Variants in IZUMO4 observed in about 807,000 individuals in gnomAD.
IZUMO4 encodes the protein izumo sperm-egg fusion protein 4.
In IZUMO4, 51 loss-of-function variants were observed where a neutral mutation model predicts 37.1. That is an observed-to-expected ratio of 1.38 (90% CI 1.10 to 1.74). IZUMO4 has a LOEUF of 1.74. IZUMO4 is among the 40% of genes most tolerant of loss of function. IZUMO4 has a pLI of 0.00. For synonymous variants in IZUMO4, 162 were observed against 121.4 expected (o/e 1.33, Z -2.20); for missense variants, 364 against 299.6 (o/e 1.21, Z -1.59).
In IZUMO4 at chr19:2,097,299, G is replaced by C; in HGVS notation, c.265G>C (p.Asp89His). 1 of 1,612,854 alleles carries C rather than the reference G, an allele frequency of 6.2e-7. No individual in the cohort carries two copies. The highest frequency in any genetic ancestry group is 8.5e-7 in the Non-Finnish European group (1 of 1,179,936). ...GGCGACAGCAGTGTACCAGATGATG[G>C]ATCAGCTGTACCAGGGGAAGATGTA... ...QVATAVYQMM[D>H]QLYQGKMYFP... Residue 89 changes from aspartate to histidine, a missense_variant, in exon 2 of 10, where the codon GAT (aspartate) becomes CAT (histidine). Asp to His is a moderately conservative substitution (Grantham distance 81, BLOSUM62 -1). Transcript: ENST00000395301.
chr19:2,097,950 G>T lies in IZUMO4; in HGVS notation c.392G>T (p.Arg131Leu). 1 of 1,613,174 alleles carries T rather than the reference G, an allele frequency of 6.2e-7. No homozygotes were observed. The highest frequency in any genetic ancestry group is 1.3e-5 in the African/African-American group (1 of 75,060). ...IIESRIDCQH[R>L]CGIFQYETIS... ...ACAGGCCGCATCGACTGTCAGCACC[G>T]CTGTGGTAAGCAAGGCTCCGTCCAG... The change falls in exon 4 of 10, where the codon CGC becomes CTC. Residue 131 changes from arginine to leucine, a missense_variant. Arg to Leu is a moderately radical substitution (Grantham distance 102). Transcript: ENST00000395301.
Position 2,099,484 on chromosome 19 carries a change from G to A in IZUMO4, c.*139G>A. On this transcript the variant is annotated 3_prime_UTR_variant, in exon 10 of 10. Transcript: ENST00000395301. The stretch of plus-strand genomic sequence containing the variant: ...GACAGAGCTGAGCTGGCCAGGGCCA[G>A]GAGGGCGGGAGGGAGGGAATGGGGG... 3 of 601,802 alleles carry A rather than the reference G, an allele frequency of 5.0e-6. No individual in the cohort carries two copies. The highest frequency in any genetic ancestry group is 9.1e-6 in the Non-Finnish European group (3 of 331,340). The allele number at this position is 601,802 out of a possible 1,614,324, so 37.3% of individuals were successfully genotyped here.
In IZUMO4 at chr19:2,098,438, A is replaced by G. The variant is rs1244957022; in HGVS notation, c.524A>G (p.Asn175Ser). 6.2e-7 allele frequency: 1 copy of G among 1,613,818 alleles called. No individual in the cohort carries two copies. The highest frequency in any genetic ancestry group is 8.5e-7 in the Non-Finnish European group (1 of 1,180,030). ...GTCCAAACCCACTGTCTTTGTAGAAATAACTGGCACAAGTAAGTCCCCTCC... is the reference window on the plus strand; with the variant it reads ...GTCCAAACCCACTGTCTTTGTAGAAGTAACTGGCACAAGTAAGTCCCCTCC... Reference protein sequence around the residue: ...SAVQGLLNYINNWHKQDTSMR... With the variant: ...SAVQGLLNYISNWHKQDTSMR... Residue 175 changes from asparagine (N) to serine (S), a missense_variant and splice_region_variant, in exon 7 of 10, where the codon AAT becomes AGT. Coordinates refer to ENST00000395301, the MANE Select transcript of IZUMO4 (RefSeq NM_001039846.2).
In IZUMO4 at chr19:2,097,115, G is replaced by T. The variant is rs1568261508; in HGVS notation, c.170G>T (p.Ser57Ile). 2 of 1,612,626 alleles carry T rather than the reference G, an allele frequency of 1.2e-6. No homozygotes were observed. The highest frequency in any genetic ancestry group is 2.2e-5 in the East Asian group (1 of 44,878). Reference protein sequence around the residue: ...PVSGALLTDWSDDTMKELHLA... With the variant: ...PVSGALLTDWIDDTMKELHLA... ...TCAGGGGCGCTGCTCACCGACTGGA[G>T]CGACGACACGATGAAGGAGCTGCAC... The change falls in exon 1 of 10, where the codon AGC becomes ATC. Residue 57 changes from serine to isoleucine, a missense_variant. By Grantham distance (142) the Ser-to-Ile change is moderately radical. Coordinates refer to ENST00000395301, the MANE Select transcript of IZUMO4 (RefSeq NM_001039846.2).
chr19:2,097,985 C>G (rs116088503), intron 4 of IZUMO4, 30 bp downstream of exon 4: 4 of 1,613,006 alleles, frequency 2.5e-6, no homozygotes, highest in Non-Finnish European at 3.4e-6. Flanking sequence ...GGCTGAGGGG[C>G]GTGCCGGTGG....
At chr19:2,098,258 C>T (rs375339951) in intron 5 of IZUMO4, 29 bp from the exon 6 acceptor site, 455 of 1,613,352 alleles carry the variant, frequency 2.8e-4, no homozygotes, top group South Asian at 5.8e-4. Flanking sequence ...GGTTCAGGGG[C>T]GCACCACTTC....
intron 9 of IZUMO4, 66 bp from the exon 10 acceptor site, chr19:2,099,189 G>A: frequency 6.7e-7 from 1 of 1,488,822 alleles, no homozygotes; most frequent in Non-Finnish European, 9.4e-7. Context: ...AGAGGCCTGG[G>A]GCCCCCAGGG....
At chr19:2,097,852 C>A in intron 3 of IZUMO4, 77 bp from the exon 4 acceptor site, 2 of 1,570,384 alleles carry the variant, frequency 1.3e-6, no homozygotes, top group Admixed American at 3.4e-5. Flanking sequence ...GGCCCTGAGG[C>A]TTTGGAGGGT....
intron 6 of IZUMO4, 34 bp from the exon 7 acceptor site, chr19:2,098,402 C>T (rs368197515): frequency 5.0e-4 from 810 of 1,613,968 alleles, no homozygotes; most frequent in East Asian, 8.9e-4. Flanking sequence ...CACGGCCACT[C>T]GGCCTCCTGA....
In IZUMO4 at chr19:2,097,119, C is replaced by A. The variant is rs762378923; in HGVS notation, c.174C>A (p.Asp58Glu). 1.2e-6 allele frequency: 2 copies of A among 1,612,504 alleles called. No individual in the cohort carries two copies. Among genetic ancestry groups the A allele is most frequent in the Non-Finnish European group, 1.7e-6 (2 of 1,179,816 alleles). ...GGGCGCTGCTCACCGACTGGAGCGA[C>A]GACACGATGAAGGAGCTGCACCTGG... ...VSGALLTDWS[D>E]DTMKELHLAI... Residue 58 changes from aspartate (D) to glutamate (E), a missense_variant, in exon 1 of 10, where the codon GAC (aspartate) becomes GAA (glutamate). Physicochemically the swap from Asp to Glu is conservative, Grantham distance 45 (BLOSUM62 2). Transcript: ENST00000395301.
At chr19:2,099,154 A>G (rs777561495) in intron 9 of IZUMO4, 101 bp from the exon 10 acceptor site, 2 of 1,372,734 alleles carry the variant, frequency 1.5e-6, no homozygotes, top group African/African-American at 1.4e-5. Flanking sequence ...GGCCACACAT[A>G]GGACCACACG....
Position 2,098,074 on chromosome 19 carries a change from C to T in IZUMO4, c.420C>T (p.Ile140=), listed in dbSNP as rs1298207369. The part of the protein sequence containing the change: ...HRCGIFQYET[I]SCNNCTDSHV... The stretch of plus-strand genomic sequence containing the variant: ...CAGGCATCTTCCAGTACGAGACCAT[C>T]TCCTGCAACAACTGCACAGACTCGC... The change falls in exon 5 of 10, where the codon ATC becomes ATT. Residue 140 remains isoleucine, a synonymous_variant. Transcript: ENST00000395301. 3 of 1,613,370 alleles carry T rather than the reference C, an allele frequency of 1.9e-6. No homozygotes were observed. The highest frequency in any genetic ancestry group is 1.7e-6 in the Non-Finnish European group (2 of 1,180,020).
chr19:2,097,227 A>C, intron 1 of IZUMO4, 25 bp from the exon 2 acceptor site: 2 of 1,609,718 alleles, frequency 1.2e-6, no homozygotes, highest in Non-Finnish European at 1.7e-6. Context: ...CAGGCCGGTC[A>C]CCTGGCTTCT....
intron 7 of IZUMO4, 62 bp from the exon 8 acceptor site, chr19:2,098,725 G>T: frequency 1.3e-6 from 2 of 1,599,530 alleles, no homozygotes; most frequent in Non-Finnish European, 8.5e-7. Flanking sequence ...AGCCTGGGAG[G>T]GTTCCCTACG....
At position 2,097,931 on chromosome 19, in the gene IZUMO4, C is replaced by T. The variant is rs201920532; in HGVS notation, c.373C>T (p.Arg125Cys). The change falls in exon 4 of 10, where the codon CGC becomes TGC. Residue 125 changes from arginine (R) to cysteine (C), a missense_variant and splice_region_variant. By Grantham distance (180) the Arg-to-Cys change is radical. Coordinates refer to ENST00000395301, the MANE Select transcript of IZUMO4 (RefSeq NM_001039846.2). ...GGCGCTGTCCTGCCCTCCCACAGGC[C>T]GCATCGACTGTCAGCACCGCTGTGG... Reference protein sequence around the residue: ...HLIQNAIIESRIDCQHRCGIF... With the variant: ...HLIQNAIIESCIDCQHRCGIF... 165 of 1,613,048 alleles carry T rather than the reference C, an allele frequency of 1.0e-4. 1 individual carries two copies. The highest frequency in any genetic ancestry group is 1.7e-4 in the Admixed American group (10 of 60,026).
At chr19:2,097,221 C>G in intron 1 of IZUMO4, 31 bp from the exon 2 acceptor site, 1 of 1,608,454 alleles carries the variant, frequency 6.2e-7, no homozygotes, top group African/African-American at 1.3e-5. Flanking sequence ...CCGGGGCAGG[C>G]CGGTCACCTG....
intron 3 of IZUMO4, 48 bp from the exon 4 acceptor site, chr19:2,097,881 G>C: frequency 6.2e-7 from 1 of 1,609,738 alleles, no homozygotes; most frequent in South Asian, 1.1e-5. Context: ...GGCAGGACTG[G>C]GGACAAGGCT....
At chr19:2,097,690 TAGCCCCCAG>T (rs756056786) in intron 3 of IZUMO4, 195 bp downstream of exon 3, 1 of 694,998 alleles carries the variant, frequency 1.4e-6, no homozygotes, top group South Asian at 1.7e-5. Context: ...CTCCCCTAAG[TAGCCCCCAG>T]AGGCGCTGGG....
At position 2,099,388 on chromosome 19, in the gene IZUMO4, C is replaced by T. The variant is rs781547035; in HGVS notation, c.*43C>T. 1 of 1,372,368 alleles carries T rather than the reference C, an allele frequency of 7.3e-7. No homozygotes were observed. Among genetic ancestry groups the T allele is most frequent in the Non-Finnish European group, 1.0e-6 (1 of 981,190 alleles). 85.0% of individuals were successfully genotyped at this position (1,372,368 alleles called of 1,614,324 possible). On this transcript the variant is annotated 3_prime_UTR_variant, in exon 10 of 10. Transcript: ENST00000395301. ...CCAGGGCAACGTGGGGGCGGAGACT[C>T]AGCTGGACAGCCCCTGCCTGTCACT...
Sources: gnomAD v4.1 joint callset for allele counts on GRCh38, gnomAD v4.1.1 for gene constraint, MANE v1.5 for transcripts, NCBI Gene and HGNC (gene_info 2026-07-23, HGNC 2026-07-21) for gene names.